The following B3GAT2 variants were observed in gnomAD, a reference collection of about 807,000 sequenced individuals.
B3GAT2 encodes the protein galactosylgalactosylxylosylprotein 3-beta-glucuronosyltransferase 2.
In B3GAT2, 26 loss-of-function variants were observed where a neutral mutation model predicts 27.8. The ratio of observed to expected loss-of-function variants is 0.93; its 90% CI spans 0.68 to 1.30. The LOEUF (loss-of-function observed/expected upper bound fraction) is 1.30. B3GAT2 is among the 50% of genes most tolerant of loss of function. The probability of loss-of-function intolerance (pLI) is 0.00; values close to 1 mark genes in which losing one functional copy is unlikely to be tolerated. For synonymous variants in B3GAT2, 218 were observed against 195.1 expected, an observed-to-expected ratio of 1.12 and a Z score of -0.98; for missense variants, 458 against 459.0, an observed-to-expected ratio of 1.00 and a Z score of 0.02.
chr6:70,905,231 C>T (rs1352607618), intron 1 of B3GAT2, among the ~76,000 whole-genome samples: 1 of 152,126 alleles, frequency 6.6e-6, no homozygotes, highest in Non-Finnish European at 1.5e-5. Context: ...TATGATGATG[C>T]TGCTGAGGAA....
At chr6:70,888,224 AT>A (rs11326571) in intron 2 of B3GAT2, among the ~76,000 whole-genome samples, 21,713 of 144,038 alleles carry the variant, frequency 0.15, 3,132 homozygotes, top group East Asian at 0.38. Flanking sequence ...AGGTGATGTG[AT>A]TTTTTTTTTT....
chr6:70,922,639 G>C (rs1214856606), intron 1 of B3GAT2, among the ~76,000 whole-genome samples: 1 of 151,824 alleles, frequency 6.6e-6, no homozygotes, highest in African/African-American at 2.4e-5. Context: ...TAAAAATACA[G>C]CATCAAAATA....
chr6:70,902,234 A>T (rs1295891107), intron 1 of B3GAT2, among the ~76,000 whole-genome samples: 1 of 152,174 alleles, frequency 6.6e-6, no homozygotes, highest in Non-Finnish European at 1.5e-5. Flanking sequence ...TTCCTCCTAC[A>T]TATAGTCAGT....
chr6:70,907,962 C>T (rs1299688711), intron 1 of B3GAT2, among the ~76,000 whole-genome samples: 2 of 152,154 alleles, frequency 1.3e-5, no homozygotes, highest in African/African-American at 4.8e-5. Flanking sequence ...GTCACCTGTA[C>T]CCAAAAGCTT....
At position 70,860,311 on chromosome 6, in the gene B3GAT2, C is replaced by T. The variant is rs374666903; in HGVS notation, c.*1352G>A. On this transcript the variant is annotated 3_prime_UTR_variant, in exon 4 of 4. Transcript: ENST00000230053. ...GTCTGGAAGCTCATCAGGTCAGACTCTCAGCACACAACTGTGGAAATGAAA... is the reference window on the plus strand; with the variant it reads ...GTCTGGAAGCTCATCAGGTCAGACTTTCAGCACACAACTGTGGAAATGAAA... 7 of 1,612,490 alleles carry T rather than the reference C, an allele frequency of 4.3e-6. No individual in the cohort carries two copies. Among genetic ancestry groups the T allele is most frequent in the South Asian group, 1.1e-5 (1 of 90,728 alleles).
chr6:70,906,752 C>G (rs1207494893), intron 1 of B3GAT2, among the ~76,000 whole-genome samples: 1 of 152,158 alleles, frequency 6.6e-6, no homozygotes, highest in East Asian at 1.9e-4. Flanking sequence ...ATTCTTTAAT[C>G]CGATCCCCTG....
At chr6:70,877,722 C>A (rs554035850) in intron 2 of B3GAT2, among the ~76,000 whole-genome samples, 2 of 152,180 alleles carry the variant, frequency 1.3e-5, no homozygotes, top group African/African-American at 2.4e-5. Flanking sequence ...AGACTGTCCA[C>A]GCTTCCCCAC....
chr6:70,920,427 A>T (rs1772848585), intron 1 of B3GAT2, among the ~76,000 whole-genome samples: 1 of 152,176 alleles, frequency 6.6e-6, no homozygotes, highest in African/African-American at 2.4e-5. Context: ...CATGGGCTGC[A>T]CCCACTGTCC....
intron 1 of B3GAT2, among the ~76,000 whole-genome samples, chr6:70,930,980 T>C (rs553643245): frequency 1.1e-4 from 17 of 152,248 alleles, no homozygotes; most frequent in Admixed American, 3.9e-4. Flanking sequence ...GTGGCACATA[T>C]GCACCATGGA....
chr6:70,923,864 A>G (rs1370690828), intron 1 of B3GAT2, among the ~76,000 whole-genome samples: 1 of 152,180 alleles, frequency 6.6e-6, no homozygotes, highest in Non-Finnish European at 1.5e-5. Context: ...TCTATGCTGT[A>G]TCATATTTTT....
intron 1 of B3GAT2, among the ~76,000 whole-genome samples, chr6:70,938,034 T>C (rs1158037437): frequency 1.3e-5 from 2 of 151,252 alleles, no homozygotes; most frequent in African/African-American, 4.9e-5. Flanking sequence ...CTCCTTAAGC[T>C]GATAAGCAAC....
Position 70,860,234 on chromosome 6 carries a change from G to C in B3GAT2, c.*1429C>G. 2 of 1,613,580 alleles carry C rather than the reference G, an allele frequency of 1.2e-6. No homozygotes were observed. Among genetic ancestry groups the C allele is most frequent in the Non-Finnish European group, 1.7e-6 (2 of 1,179,820 alleles). ...CAGATGGCTGGCATGAGTATCAGTA[G>C]TGCAACCCCTACTGCAGGTTTTGGC... On this transcript the variant is annotated 3_prime_UTR_variant, in exon 4 of 4. Coordinates refer to ENST00000230053, the MANE Select transcript of B3GAT2 (RefSeq NM_080742.3).
intron 2 of B3GAT2, among the ~76,000 whole-genome samples, chr6:70,884,421 G>A (rs781666933): frequency 4.6e-5 from 7 of 152,174 alleles, no homozygotes; most frequent in Non-Finnish European, 8.8e-5. Flanking sequence ...CATGAATTCA[G>A]CAAACATTTG....
chr6:70,884,520 C>A (rs368601654), intron 2 of B3GAT2, among the ~76,000 whole-genome samples: 2 of 152,118 alleles, frequency 1.3e-5, no homozygotes, highest in South Asian at 4.2e-4. Context: ...GCTAGCAAGG[C>A]GGCCAGGGGC....
intron 2 of B3GAT2, among the ~76,000 whole-genome samples, chr6:70,865,272 G>A (rs922084492): frequency 6.6e-6 from 1 of 151,974 alleles, no homozygotes; most frequent in Non-Finnish European, 1.5e-5. Context: ...GACTACAGAC[G>A]TGGGCCTGGC....
chr6:70,890,632 T>C (rs639448), intron 2 of B3GAT2, among the ~76,000 whole-genome samples: 82,044 of 152,132 alleles, frequency 0.54, 25,904 homozygotes, highest in East Asian at 0.89. Context: ...ACATCCAGTG[T>C]AGTCAGTTGA....
rs1271702265 is a variant in B3GAT2 at position 70,857,257 on chromosome 6, A to G, written c.*4406T>C. The G allele has an allele frequency of 2.8e-6, 1 of 362,788 alleles. No individual in the cohort carries two copies. The highest frequency in any genetic ancestry group is 2.1e-5 in the African/African-American group (1 of 48,516). The allele number at this position is 362,788 out of a possible 1,614,324, so 22.5% of individuals were successfully genotyped here. ...TTTGGAATTAACAAGCTGTTCATAG[A>G]TCACTAAATGTTGTTTCACAAGCTT... On this transcript the variant is annotated 3_prime_UTR_variant, in exon 4 of 4. Transcript: ENST00000230053.
At chr6:70,875,018 C>A (rs1356875904) in intron 2 of B3GAT2, among the ~76,000 whole-genome samples, 66 of 148,916 alleles carry the variant, frequency 4.4e-4, no homozygotes, top group Middle Eastern at 3.5e-3. Flanking sequence ...AAAAAAAAAA[C>A]AAAACTCCCC....
intron 1 of B3GAT2, among the ~76,000 whole-genome samples, chr6:70,896,323 C>A (rs1332403943): frequency 6.6e-6 from 1 of 152,132 alleles, no homozygotes; most frequent in Admixed American, 6.5e-5. Flanking sequence ...GCCCTAAGAA[C>A]GACTATATGC....
Sources: gnomAD v4.1 joint callset for allele counts (sites outside exome capture counted in the v4.1 genomes callset) on GRCh38, gnomAD v4.1.1 for gene constraint, MANE v1.5 for transcripts, NCBI Gene and HGNC (gene_info 2026-07-23, HGNC 2026-07-21) for gene names.